Variants in CNTN1 observed in about 807,000 individuals in gnomAD.
CNTN1 encodes the protein contactin 1.
Under a neutral mutation model 126.4 loss-of-function variants are expected in CNTN1, and 38 were observed. The observed-to-expected ratio is 0.30, with a 90% CI of 0.23 to 0.39. CNTN1 has a LOEUF of 0.39. CNTN1 is among the 10% of genes least tolerant of loss of function. The probability of loss-of-function intolerance (pLI) is 1.00; values close to 1 mark genes in which losing one functional copy is unlikely to be tolerated. For missense variants in CNTN1, 1,009 were observed against 1,248.4 expected (o/e 0.81, Z 2.89); for synonymous variants, 413 against 422.6 (o/e 0.98, Z 0.28).
intron 1 of CNTN1, among the ~76,000 whole-genome samples, chr12:40,859,745 A>G (rs1943054546): frequency 6.6e-6 from 1 of 152,144 alleles, no homozygotes; most frequent in African/African-American, 2.4e-5. Flanking sequence ...TGAAGGGTAC[A>G]GAATTATAGT....
At chr12:40,909,928 A>C (rs1944967659) in intron 2 of CNTN1, 145 bp from the exon 3 acceptor site, 1 of 589,696 alleles carries the variant, frequency 1.7e-6, no homozygotes, top group South Asian at 2.2e-5. Context: ...AAGTATCTGC[A>C]CAGATGTGAA....
At chr12:40,838,185 C>G (rs886754020) in intron 1 of CNTN1, among the ~76,000 whole-genome samples, 1 of 152,184 alleles carries the variant, frequency 6.6e-6, no homozygotes, top group African/African-American at 2.4e-5. Flanking sequence ...CACTCTGGAA[C>G]CAGAGCACTC....
chr12:40,695,613 C>T lies in CNTN1; in HGVS notation c.-77+3021C>T, dbSNP rs573118539. Among the ~76,000 whole-genome samples the T allele has an allele frequency of 2.0e-5, 3 of 152,260 alleles. No individual in the cohort carries two copies. The South Asian group carries it at 6.2e-4, about 32-fold the overall frequency. On this transcript the variant is annotated intron_variant, in intron 1 of 23. Coordinates refer to ENST00000551295, the MANE Select transcript of CNTN1 (RefSeq NM_001843.4). Reference sequence around the variant, plus strand: ...ATATCCCACAACTTATTCTAACTCACCAGTAAGCTCCTCCTCAATTCCAAT... The same window carrying T: ...ATATCCCACAACTTATTCTAACTCATCAGTAAGCTCCTCCTCAATTCCAAT...
intron 1 of CNTN1, among the ~76,000 whole-genome samples, chr12:40,804,943 T>C (rs190320593): frequency 6.6e-6 from 1 of 152,190 alleles, no homozygotes; most frequent in East Asian, 1.9e-4. Context: ...GTTGTCTTTA[T>C]TGTTACTGTC....
intron 23 of CNTN1, among the ~76,000 whole-genome samples, chr12:41,038,052 G>A (rs868842514): frequency 2.0e-5 from 3 of 152,112 alleles, no homozygotes; most frequent in African/African-American, 4.8e-5. Context: ...CAGCTACTCA[G>A]GAGGCTGATG....
At chr12:40,699,187 T>C (rs1941534417) in intron 1 of CNTN1, among the ~76,000 whole-genome samples, 1 of 152,248 alleles carries the variant, frequency 6.6e-6, no homozygotes, top group South Asian at 2.1e-4. Context: ...TATGTTATTT[T>C]TCTTTGTGTC....
intron 1 of CNTN1, among the ~76,000 whole-genome samples, chr12:40,694,330 A>G (rs1941391397): frequency 6.6e-6 from 1 of 152,172 alleles, no homozygotes; most frequent in African/African-American, 2.4e-5. Flanking sequence ...ACTTTCTTTT[A>G]TAGATTGATG....
intron 1 of CNTN1, among the ~76,000 whole-genome samples, chr12:40,752,973 T>A (rs946285521): frequency 6.6e-6 from 1 of 152,142 alleles, no homozygotes; most frequent in Admixed American, 6.6e-5. Context: ...GAACCTAGAA[T>A]CCCTTCATTA....
intron 17 of CNTN1, among the ~76,000 whole-genome samples, chr12:41,010,802 T>C (rs1566137977): frequency 6.6e-6 from 1 of 152,150 alleles, no homozygotes; most frequent in Non-Finnish European, 1.5e-5. Context: ...CTCCAATATG[T>C]GCATTAAATG....
At chr12:41,007,636 C>G (rs1424386813) in intron 17 of CNTN1, among the ~76,000 whole-genome samples, 1 of 152,082 alleles carries the variant, frequency 6.6e-6, no homozygotes, top group Non-Finnish European at 1.5e-5. Context: ...GGAGGCGGTG[C>G]CTGATTTACA....
At chr12:40,848,352 G>C (rs1017328243) in intron 1 of CNTN1, among the ~76,000 whole-genome samples, 3 of 152,074 alleles carry the variant, frequency 2.0e-5, no homozygotes, top group African/African-American at 7.2e-5. Context: ...AAATGGTACT[G>C]TGCTCTAGGC....
chr12:40,817,632 G>A (rs1941304261), intron 1 of CNTN1, among the ~76,000 whole-genome samples: 1 of 151,840 alleles, frequency 6.6e-6, no homozygotes, highest in Non-Finnish European at 1.5e-5. Flanking sequence ...TTGCCAGTCT[G>A]TGTATTTTAA....
At chr12:40,710,656 T>C (rs772595796) in intron 1 of CNTN1, among the ~76,000 whole-genome samples, 45 of 152,180 alleles carry the variant, frequency 3.0e-4, no homozygotes, top group Non-Finnish European at 8.8e-5. Flanking sequence ...AAATCTAATA[T>C]CTGATCTAAG....
intron 22 of CNTN1, 127 bp downstream of exon 22, chr12:41,028,096 A>G: frequency 4.4e-6 from 3 of 678,978 alleles, no homozygotes; most frequent in South Asian, 3.1e-5. Context: ...CAGTGGTACA[A>G]TCTTGGCTCA....
chr12:40,854,154 T>C (rs1406781942), intron 1 of CNTN1, among the ~76,000 whole-genome samples: 2 of 151,850 alleles, frequency 1.3e-5, no homozygotes, highest in Non-Finnish European at 2.9e-5. Context: ...ATGCTATCTA[T>C]ACTTAGGAAG....
intron 14 of CNTN1, among the ~76,000 whole-genome samples, chr12:40,954,825 G>T (rs1592316537): frequency 6.6e-6 from 1 of 152,262 alleles, no homozygotes; most frequent in East Asian, 1.9e-4. Flanking sequence ...TCCCCGTGCA[G>T]TTAAAATGCA....
At chr12:40,828,560 G>T (rs989935876) in intron 1 of CNTN1, among the ~76,000 whole-genome samples, 1 of 152,162 alleles carries the variant, frequency 6.6e-6, no homozygotes, top group Non-Finnish European at 1.5e-5. Context: ...GCAAACTGGG[G>T]AGGGGCAGCA....
chr12:40,996,422 G>A (rs78101271), intron 17 of CNTN1, among the ~76,000 whole-genome samples: 6 of 152,106 alleles, frequency 3.9e-5, no homozygotes, highest in Non-Finnish European at 7.4e-5. Context: ...ATGAGCCACC[G>A]GGTCTGGCCT....
intron 1 of CNTN1, among the ~76,000 whole-genome samples, chr12:40,800,148 GT>G (rs1940590877): frequency 6.6e-6 from 1 of 151,886 alleles, no homozygotes; most frequent in African/African-American, 2.4e-5. Flanking sequence ...CATGGGGGTG[GT>G]TTTCCTCATG....
Sources: gnomAD v4.1 joint callset for allele counts (sites outside exome capture counted in the v4.1 genomes callset) on GRCh38, gnomAD v4.1.1 for gene constraint, MANE v1.5 for transcripts, NCBI Gene and HGNC (gene_info 2026-07-23, HGNC 2026-07-21) for gene names.